The following CACNA2D1 variants were observed in gnomAD, a reference collection of about 807,000 sequenced individuals.
The protein encoded by CACNA2D1 is calcium voltage-gated channel auxiliary subunit alpha2delta 1.
In CACNA2D1, 53 loss-of-function variants were observed where a neutral mutation model predicts 171.5. That is an observed-to-expected ratio of 0.31 (90% confidence interval 0.25 to 0.39). The LOEUF is 0.39. CACNA2D1 is among the 10% of genes least tolerant of loss of function. The pLI, the probability that CACNA2D1 is intolerant of heterozygous loss-of-function variation, is 1.00. For synonymous variants in CACNA2D1, 442 were observed against 443.1 expected, an observed-to-expected ratio of 1.00 and a Z score of 0.03; for missense variants, 903 against 1,299.8, an observed-to-expected ratio of 0.69 and a Z score of 4.69.
At chr7:82,229,535 C>T (rs748926150) in intron 3 of CACNA2D1, among the ~76,000 whole-genome samples, 6 of 152,028 alleles carry the variant, frequency 3.9e-5, no homozygotes, top group Non-Finnish European at 7.4e-5. Context: ...TCAGAACCAA[C>T]CAGAAAATCT....
At chr7:82,328,257 T>C (rs1451681690) in intron 3 of CACNA2D1, among the ~76,000 whole-genome samples, 1 of 152,230 alleles carries the variant, frequency 6.6e-6, no homozygotes, top group Admixed American at 6.5e-5. Context: ...TCTGGATTAA[T>C]GGTCAAAATA....
intron 3 of CACNA2D1, among the ~76,000 whole-genome samples, chr7:82,256,711 T>C (rs948810273): frequency 2.0e-5 from 3 of 152,194 alleles, no homozygotes; most frequent in Non-Finnish European, 4.4e-5. Context: ...AATTAAAGCT[T>C]AAGGACGAAG....
At chr7:82,371,097 T>C (rs1234744939) in intron 1 of CACNA2D1, among the ~76,000 whole-genome samples, 1 of 152,170 alleles carries the variant, frequency 6.6e-6, no homozygotes, top group African/African-American at 2.4e-5. Flanking sequence ...ATAAGGGGTG[T>C]CCTCTCTAGT....
intron 3 of CACNA2D1, among the ~76,000 whole-genome samples, chr7:82,172,752 G>A (rs1204448340): frequency 3.0e-5 from 4 of 134,796 alleles, no homozygotes; most frequent in Non-Finnish European, 6.2e-5. Context: ...ACATGCCCTT[G>A]ACAAAATTTG....
chr7:82,220,749 G>A (rs1185617301), intron 3 of CACNA2D1, among the ~76,000 whole-genome samples: 1 of 150,976 alleles, frequency 6.6e-6, no homozygotes, highest in East Asian at 2.0e-4. Context: ...AATAAAACTC[G>A]AGAAACAGAA....
At chr7:82,299,317 C>T (rs970018829) in intron 3 of CACNA2D1, among the ~76,000 whole-genome samples, 1 of 152,040 alleles carries the variant, frequency 6.6e-6, no homozygotes, top group East Asian at 1.9e-4. Flanking sequence ...GGGTATTTTG[C>T]AATCAGCATT....
chr7:82,227,570 G>A (rs1169741300), intron 3 of CACNA2D1, among the ~76,000 whole-genome samples: 2 of 152,158 alleles, frequency 1.3e-5, no homozygotes, highest in Non-Finnish European at 2.9e-5. Context: ...GAATGTAGAA[G>A]GGAAATTCCT....
intron 38 of CACNA2D1, among the ~76,000 whole-genome samples, chr7:81,953,594 T>C (rs994965992): frequency 1.3e-5 from 2 of 152,038 alleles, no homozygotes; most frequent in Admixed American, 1.3e-4. Flanking sequence ...ATGTATTTCA[T>C]ACACAGAAGA....
At chr7:82,020,401 T>A (rs1283968659) in intron 12 of CACNA2D1, among the ~76,000 whole-genome samples, 2 of 152,300 alleles carry the variant, frequency 1.3e-5, no homozygotes, top group African/African-American at 4.8e-5. Context: ...CTGATTTTGC[T>A]TTTCTTATTT....
At chr7:82,122,814 C>T (rs144901156) in intron 5 of CACNA2D1, among the ~76,000 whole-genome samples, 138 of 152,276 alleles carry the variant, frequency 9.1e-4, no homozygotes, top group African/African-American at 3.0e-3. Context: ...TAAATGAAGT[C>T]ATTCTACTTC....
At chr7:82,340,967 A>G (rs1309567875) in intron 2 of CACNA2D1, among the ~76,000 whole-genome samples, 1 of 152,214 alleles carries the variant, frequency 6.6e-6, no homozygotes, top group Non-Finnish European at 1.5e-5. Flanking sequence ...TGAAGGCAAG[A>G]AAAGGGATTC....
chr7:82,129,098 T>C (rs1790669508), intron 5 of CACNA2D1, among the ~76,000 whole-genome samples: 1 of 152,204 alleles, frequency 6.6e-6, no homozygotes, highest in Non-Finnish European at 1.5e-5. Flanking sequence ...TTCAGCCACT[T>C]GTTTTCAAAT....
chr7:82,170,748 A>T, intron 3 of CACNA2D1, 139 bp from the exon 4 acceptor site: 2 of 778,462 alleles, frequency 2.6e-6, no homozygotes, highest in Middle Eastern at 2.5e-4. Context: ...ATAAATTCTA[A>T]ATCATTTAGT....
At chr7:82,189,715 A>G (rs1438660934) in intron 3 of CACNA2D1, among the ~76,000 whole-genome samples, 1 of 151,882 alleles carries the variant, frequency 6.6e-6, no homozygotes, top group African/African-American at 2.4e-5. Context: ...AAAGAGCTTG[A>G]CACAGAAAAG....
At chr7:82,200,628 C>A (rs937373724) in intron 3 of CACNA2D1, among the ~76,000 whole-genome samples, 7 of 151,956 alleles carry the variant, frequency 4.6e-5, no homozygotes, top group African/African-American at 1.7e-4. Context: ...TTTTTATAAT[C>A]CTTTACTTTG....
At chr7:81,966,067 T>C (rs1440134687) in intron 31 of CACNA2D1, among the ~76,000 whole-genome samples, 1 of 151,824 alleles carries the variant, frequency 6.6e-6, no homozygotes, top group African/African-American at 2.4e-5. Context: ...ATCATTTTAG[T>C]TGTCCTGTTT....
chr7:82,207,777 C>T (rs1800160595), intron 3 of CACNA2D1, among the ~76,000 whole-genome samples: 1 of 152,104 alleles, frequency 6.6e-6, no homozygotes, highest in East Asian at 1.9e-4. Context: ...GTGGAAGCAA[C>T]AACAATATGC....
intron 6 of CACNA2D1, among the ~76,000 whole-genome samples, chr7:82,109,584 T>C (rs375899956): frequency 6.6e-5 from 10 of 152,114 alleles, no homozygotes; most frequent in African/African-American, 2.2e-4. Context: ...TCTACCATGG[T>C]AACAATGAAA....
chr7:82,079,735 A>G (rs1416290807), intron 7 of CACNA2D1, among the ~76,000 whole-genome samples: 4 of 151,764 alleles, frequency 2.6e-5, no homozygotes, highest in Non-Finnish European at 5.9e-5. Context: ...CACAGAGTCT[A>G]TAATGGCGGT....
Sources: gnomAD v4.1 joint callset for allele counts (sites outside exome capture counted in the v4.1 genomes callset) on GRCh38, gnomAD v4.1.1 for gene constraint, MANE v1.5 for transcripts, NCBI Gene and HGNC (gene_info 2026-07-23, HGNC 2026-07-21) for gene names.